Variants in OR4C11 observed in about 807,000 individuals in gnomAD.
The protein encoded by OR4C11 is olfactory receptor 4C11.
A neutral mutation model predicts 14.7 loss-of-function variants in OR4C11; 15 were observed. That is an observed-to-expected ratio of 1.02 (90% CI 0.68 to 1.58). The LOEUF (loss-of-function observed/expected upper bound fraction) is 1.58, where lower values mean the gene tolerates loss of function less well. Ranked by LOEUF, OR4C11 falls within the 40% of genes most tolerant of loss-of-function variation. The pLI is 0.00. For missense variants in OR4C11, 473 were observed against 383.0 expected (o/e 1.24, Z -1.96); for synonymous variants, 146 against 135.0 (o/e 1.08, Z -0.57).
rs1176626632 is a variant in OR4C11, at chr11:55,602,872, G to A, written c.*569C>T. 1 of 139,364 alleles carries A rather than the reference G, an allele frequency of 7.2e-6. No homozygotes were observed. Among genetic ancestry groups the A allele is most frequent in the Non-Finnish European group, 1.6e-5 (1 of 62,648 alleles). 8.6% of individuals were successfully genotyped at this position (139,364 alleles called of 1,614,324 possible). ...TTTCCCTAGAAGTGTTCAGGAGGAA[G>A]CTTGATACCTTATTGCAAATGCATT... is the stretch of plus-strand genomic sequence containing the variant. On this transcript the variant is annotated 3_prime_UTR_variant, in exon 4 of 4. Coordinates refer to ENST00000641580, the MANE Select transcript of OR4C11 (RefSeq NM_001004700.3).
At position 55,607,633 on chromosome 11, in the gene OR4C11, G is replaced by A. The variant is rs1282211184; in HGVS notation, c.-711C>T. 4.3e-5 allele frequency: 6 copies of A among 138,096 alleles called. 2 individuals are homozygous for A. Among genetic ancestry groups the A allele is most frequent in the Non-Finnish European group, 6.4e-5 (4 of 62,214 alleles). The allele number at this position is 138,096 out of a possible 1,614,324, so 8.6% of individuals were successfully genotyped here. A position where few individuals can be genotyped will look rare whatever the true frequency, so the allele number is the denominator to read the frequency against. On this transcript the variant is annotated 5_prime_UTR_variant, in exon 1 of 4. Transcript: ENST00000641580. ...TTAATATATAACTATTCTGATACGA[G>A]GCTCTCTTTGGTCTCACAAAGAAGT...
Position 55,605,674 on chromosome 11 carries a change from T to C in OR4C11, c.-206-387A>G, listed in dbSNP as rs1234147171. Among the ~76,000 whole-genome samples, 4 of 138,506 alleles carry C rather than the reference T, an allele frequency of 2.9e-5. 1 individual carries two copies. The East Asian group carries it at 9.4e-4, about 32-fold the overall frequency. The allele number at this position is 138,506 out of a possible 152,430, so 90.9% of individuals were successfully genotyped here. A position where few individuals can be genotyped will look rare whatever the true frequency, so the allele number is the denominator to read the frequency against. On this transcript the variant is annotated intron_variant, in intron 2 of 3. Coordinates refer to ENST00000641580, the MANE Select transcript of OR4C11 (RefSeq NM_001004700.3). Reference sequence around the variant, plus strand: ...TAGCTTTTTAAAATGTAAATTGATTTCACAGATAAGTTTCTGAAAAATATG... The same window carrying C: ...TAGCTTTTTAAAATGTAAATTGATTCCACAGATAAGTTTCTGAAAAATATG...
At chr11:55,604,487 A>G in intron 3 of OR4C11, 70 bp from the exon 4 acceptor site, 1 of 464,462 alleles carries the variant, frequency 2.2e-6, no homozygotes, top group Non-Finnish European at 3.7e-6. Flanking sequence ...TGAAATTGCA[A>G]CTTTCCAATG....
At position 55,604,171 on chromosome 11, in the gene OR4C11, TC is replaced by T; in HGVS notation, c.202del (p.Asp68IlefsTer12). On this transcript the variant is annotated frameshift_variant, in exon 4 of 4. Coordinates refer to ENST00000641580, the MANE Select transcript of OR4C11 (RefSeq NM_001004700.3). LOFTEE classifies it high-confidence loss of function. ...GGCTGTGGAAGTTGAAAAGCAAGAA[TC>T]TGCAAAGGACAAATAAAATAGAAAG... ...YFFLFYLSFA[D>X]SCFSTSTAPR... The T allele has an allele frequency of 6.8e-7, 1 of 1,472,794 alleles. No homozygotes were observed. The highest frequency in any genetic ancestry group is 9.2e-7 in the Non-Finnish European group (1 of 1,084,086). The allele number at this position is 1,472,794 out of a possible 1,614,324, so 91.2% of individuals were successfully genotyped here. A position where few individuals can be genotyped will look rare whatever the true frequency, so the allele number is the denominator to read the frequency against.
At position 55,603,867 on chromosome 11, in the gene OR4C11, G is replaced by A; in HGVS notation, c.507C>T (p.Pro169=). The change falls in exon 4 of 4, where the codon CCC becomes CCT. Residue 169 remains proline, a synonymous_variant. Coordinates refer to ENST00000641580, the MANE Select transcript of OR4C11 (RefSeq NM_001004700.3). ...CACAGCAATAATGATCAATCAAATA[G>A]GGTCCACAGAAAGGCAATCTTAAGG... ...ILALRLPFCG[P]YLIDHYCCDL... 6.7e-7 allele frequency: 1 copy of A among 1,491,730 alleles called. No individual in the cohort carries two copies. Among genetic ancestry groups the A allele is most frequent in the Admixed American group, 2.0e-5 (1 of 49,834 alleles). 92.4% of individuals were successfully genotyped at this position (1,491,730 alleles called of 1,614,324 possible).
chr11:55,607,642 T>C lies in OR4C11; in HGVS notation c.-720A>G, dbSNP rs1857979278. ...AACTATTCTGATACGAGGCTCTCTTTGGTCTCACAAAGAAGTTTACATCCC... is the reference window on the plus strand; with the variant it reads ...AACTATTCTGATACGAGGCTCTCTTCGGTCTCACAAAGAAGTTTACATCCC... On this transcript the variant is annotated 5_prime_UTR_variant, in exon 1 of 4. Coordinates refer to ENST00000641580, the MANE Select transcript of OR4C11 (RefSeq NM_001004700.3). The C allele has an allele frequency of 7.2e-6, 1 of 138,644 alleles. No individual in the cohort carries two copies. Among genetic ancestry groups the C allele is most frequent in the Non-Finnish European group, 1.6e-5 (1 of 62,364 alleles). 8.6% of individuals were successfully genotyped at this position (138,644 alleles called of 1,614,324 possible).
Position 55,603,518 on chromosome 11 carries a change from T to C in OR4C11, c.856A>G (p.Thr286Ala), listed in dbSNP as rs1857911638. 6.8e-7 allele frequency: 1 copy of C among 1,480,824 alleles called. No individual in the cohort carries two copies. The highest frequency in any genetic ancestry group is 1.2e-5 in the South Asian group (1 of 84,264). The allele number at this position is 1,480,824 out of a possible 1,614,324, so 91.7% of individuals were successfully genotyped here. A position where few individuals can be genotyped will look rare whatever the true frequency, so the allele number is the denominator to read the frequency against. The change falls in exon 4 of 4, where the codon ACA (threonine) becomes GCA (alanine). Residue 286 changes from threonine (T) to alanine (A), a missense_variant. By Grantham distance (58) the Thr-to-Ala change is moderately conservative. Transcript: ENST00000641580. ...GTPFLNPLIYTLRNAEVKNAM... is the reference protein window; with the variant it reads ...GTPFLNPLIYALRNAEVKNAM... The stretch of plus-strand genomic sequence containing the variant: ...TTTTTCACTTCTGCATTCCTCAGTG[T>C]GTAGATGAGTGGATTGAGAAAGGGT...
rs1196631314 is a variant in OR4C11 at position 55,605,237 on chromosome 11, T to C, written c.-156A>G. Reference sequence around the variant, plus strand: ...AGTTAAATTCGTCCATCTTTCCTTATTTTTCTGGGTTCTTCATAAAGTTTT... The same window carrying C: ...AGTTAAATTCGTCCATCTTTCCTTACTTTTCTGGGTTCTTCATAAAGTTTT... On this transcript the variant is annotated 5_prime_UTR_variant, in exon 3 of 4. Coordinates refer to ENST00000641580, the MANE Select transcript of OR4C11 (RefSeq NM_001004700.3). The C allele has an allele frequency of 7.2e-6, 1 of 138,548 alleles. No individual in the cohort carries two copies. The highest frequency in any genetic ancestry group is 1.6e-5 in the Non-Finnish European group (1 of 62,322). 8.6% of individuals were successfully genotyped at this position (138,548 alleles called of 1,614,324 possible).
Position 55,603,634 on chromosome 11 carries a change from A to G in OR4C11, c.740T>C (p.Leu247Ser). 1 of 1,486,874 alleles carries G rather than the reference A, an allele frequency of 6.7e-7. No homozygotes were observed. Among genetic ancestry groups the G allele is most frequent in the Non-Finnish European group, 9.2e-7 (1 of 1,092,346 alleles). 92.1% of individuals were successfully genotyped at this position (1,486,874 alleles called of 1,614,324 possible). A position where few individuals can be genotyped will look rare whatever the true frequency, so the allele number is the denominator to read the frequency against. ...ACTSHIIVVI[L>S]FFGPCIFIYT... ...TATGAATATACATGGGCCAAAGAAT[A>G]AGATGACTACAATTATGTGAGACGT... Residue 247 changes from leucine to serine, a missense_variant, in exon 4 of 4, where the codon TTA (leucine) becomes TCA (serine). Leu to Ser is a moderately radical substitution (Grantham distance 145). Transcript: ENST00000641580.
intron 2 of OR4C11, among the ~76,000 whole-genome samples, chr11:55,605,847 G>T (rs950804293): frequency 7.2e-6 from 1 of 138,392 alleles, no homozygotes; most frequent in African/African-American, 2.5e-5. Context: ...CACCTATCAG[G>T]TTAATAAAGT....
intron 3 of OR4C11, among the ~76,000 whole-genome samples, 166 bp downstream of exon 3, chr11:55,604,960 T>C (rs2120122695): frequency 7.2e-6 from 1 of 137,938 alleles, no homozygotes; most frequent in African/African-American, 2.5e-5. Flanking sequence ...CCTTCCTTAA[T>C]AAAATTTACA....
Position 55,603,782 on chromosome 11 carries a change from C to T in OR4C11, c.592G>A (p.Val198Met), listed in dbSNP as rs146648688. 11 of 1,487,150 alleles carry T rather than the reference C, an allele frequency of 7.4e-6. 2 individuals carry two copies. The highest frequency in any genetic ancestry group is 2.4e-5 in the South Asian group (2 of 84,660). 92.1% of individuals were successfully genotyped at this position (1,487,150 alleles called of 1,614,324 possible). The change falls in exon 4 of 4, where the codon GTG becomes ATG. Residue 198 changes from valine to methionine, a missense_variant. Transcript: ENST00000641580. ...MDTYMINLLL[V>M]SNSGAICSSS... ...GAGCAAATTGCCCCACTGTTAGACA[C>T]CAACAGCAGGTTGATCATGTAAGTG...
intron 2 of OR4C11, among the ~76,000 whole-genome samples, chr11:55,606,113 C>G (rs1857956477): frequency 7.3e-6 from 1 of 137,834 alleles, no homozygotes; most frequent in Non-Finnish European, 1.6e-5. Flanking sequence ...TAGTGCCCAT[C>G]AGAAGGGACA....
In OR4C11 at chr11:55,607,346, C is replaced by A. The variant is rs1857973851; in HGVS notation, c.-424G>T. On this transcript the variant is annotated 5_prime_UTR_variant, in exon 1 of 4. Coordinates refer to ENST00000641580, the MANE Select transcript of OR4C11 (RefSeq NM_001004700.3). The stretch of plus-strand genomic sequence containing the variant: ...CATGATTTTTATTTCCATCTTTTCA[C>A]TTTAGATTGTAAAGCACTTCTAGAA... 7.2e-6 allele frequency: 1 copy of A among 138,000 alleles called. No homozygotes were observed. The highest frequency in any genetic ancestry group is 7.9e-5 in the Admixed American group (1 of 12,648). 8.5% of individuals were successfully genotyped at this position (138,000 alleles called of 1,614,324 possible). A position where few individuals can be genotyped will look rare whatever the true frequency, so the allele number is the denominator to read the frequency against.
chr11:55,603,394 G>C lies in OR4C11; in HGVS notation c.*47C>G, dbSNP rs756694617. ...CCTATTTGCTGTCTATACTTACTCT[G>C]TTAAATCATGATTTGACTGAAAAAG... On this transcript the variant is annotated 3_prime_UTR_variant, in exon 4 of 4. Coordinates refer to ENST00000641580, the MANE Select transcript of OR4C11 (RefSeq NM_001004700.3). The C allele has an allele frequency of 2.1e-6, 2 of 956,946 alleles. No individual in the cohort carries two copies. The highest frequency in any genetic ancestry group is 3.4e-5 in the South Asian group (2 of 58,542). The allele number at this position is 956,946 out of a possible 1,614,324, so 59.3% of individuals were successfully genotyped here.
intron 3 of OR4C11, among the ~76,000 whole-genome samples, chr11:55,604,634 T>A (rs1257385443): frequency 7.3e-6 from 1 of 137,794 alleles, no homozygotes; most frequent in Non-Finnish European, 1.6e-5. Flanking sequence ...TGGACTGCAG[T>A]GGCATGACAA....
At chr11:55,605,390 C>T (rs1288532618) in intron 2 of OR4C11, 103 bp from the exon 3 acceptor site, 4 of 136,484 alleles carry the variant, frequency 2.9e-5, no homozygotes, top group Non-Finnish European at 6.4e-5. Context: ...AAAATGAGAT[C>T]TATGCGCTCC....
Position 55,604,447 on chromosome 11 carries a change from A to C in OR4C11, c.-44-30T>G. On this transcript the variant is annotated intron_variant, in intron 3 of 3. Transcript: ENST00000641580. The stretch of plus-strand genomic sequence containing the variant: ...AAAAGAAAAAAAGAAATAGATTCTA[A>C]ATTTAGAGGTCAAATACATATTCTT... 4.8e-6 allele frequency: 3 copies of C among 625,816 alleles called. 1 individual carries two copies. The highest frequency in any genetic ancestry group is 7.7e-6 in the Non-Finnish European group (3 of 391,028). The allele number at this position is 625,816 out of a possible 1,614,324, so 38.8% of individuals were successfully genotyped here.
rs756564820 is a variant in OR4C11 at position 55,603,411 on chromosome 11, C to A, written c.*30G>T. On this transcript the variant is annotated 3_prime_UTR_variant, in exon 4 of 4. Transcript: ENST00000641580. ...CTTACTCTGTTAAATCATGATTTGACTGAAAAAGTAATCAGGTCAGGCCCT... is the reference window on the plus strand; with the variant it reads ...CTTACTCTGTTAAATCATGATTTGAATGAAAAAGTAATCAGGTCAGGCCCT... 2 of 1,089,398 alleles carry A rather than the reference C, an allele frequency of 1.8e-6. No homozygotes were observed. The highest frequency in any genetic ancestry group is 1.3e-6 in the Non-Finnish European group (1 of 771,180). The allele number at this position is 1,089,398 out of a possible 1,614,324, so 67.5% of individuals were successfully genotyped here.
Sources: gnomAD v4.1 joint callset for allele counts (sites outside exome capture counted in the v4.1 genomes callset) on GRCh38, gnomAD v4.1.1 for gene constraint, MANE v1.5 for transcripts, NCBI Gene and HGNC (gene_info 2026-07-23, HGNC 2026-07-21) for gene names.